The following ADGRL3 variants were observed in gnomAD, a reference collection of about 807,000 sequenced individuals.
The protein encoded by ADGRL3 is adhesion G protein-coupled receptor L3.
In ADGRL3, 62 loss-of-function variants were observed where a neutral mutation model predicts 153.5. The observed-to-expected ratio is 0.40, with a 90% CI of 0.33 to 0.50. The LOEUF is 0.50. ADGRL3 is among the 20% of genes least tolerant of loss of function. The probability of loss-of-function intolerance (pLI) is 0.47; values close to 1 mark genes in which losing one functional copy is unlikely to be tolerated. For missense variants in ADGRL3, 1,641 were observed against 1,859.4 expected, an observed-to-expected ratio of 0.88 and a Z score of 2.16; for synonymous variants, 710 against 672.5, an observed-to-expected ratio of 1.06 and a Z score of -0.86.
intron 1 of ADGRL3, among the ~76,000 whole-genome samples, chr4:61,302,668 A>T (rs984297268): frequency 1.3e-5 from 2 of 152,124 alleles, no homozygotes; most frequent in African/African-American, 4.8e-5. Context: ...AATACCCAGA[A>T]AACAAAATTC....
intron 17 of ADGRL3, among the ~76,000 whole-genome samples, chr4:61,958,961 C>T (rs2098978014): frequency 6.6e-6 from 1 of 152,174 alleles, no homozygotes; most frequent in Non-Finnish European, 1.5e-5. Context: ...CCTGCTTCTA[C>T]TGTCTAAGGA....
chr4:61,508,193 GT>G (rs1379695092), intron 3 of ADGRL3, among the ~76,000 whole-genome samples: 1 of 152,112 alleles, frequency 6.6e-6, no homozygotes, highest in East Asian at 1.9e-4. Context: ...TTTCAGAAGT[GT>G]TTAAGGTATT....
At chr4:61,522,377 T>C (rs555235609) in intron 4 of ADGRL3, among the ~76,000 whole-genome samples, 1 of 152,286 alleles carries the variant, frequency 6.6e-6, no homozygotes, top group African/African-American at 2.4e-5. Flanking sequence ...AGCATAACCC[T>C]TGATGACAGT....
chr4:62,068,104 T>A (rs1743972291), intron 25 of ADGRL3, 62 bp from the exon 26 acceptor site: 1 of 1,164,768 alleles, frequency 8.6e-7, no homozygotes, highest in African/African-American at 1.6e-5. Context: ...TCATGTTTCT[T>A]CTACTGTCGC....
intron 4 of ADGRL3, among the ~76,000 whole-genome samples, chr4:61,570,055 G>T (rs2098832161): frequency 6.6e-6 from 1 of 152,062 alleles, no homozygotes; most frequent in South Asian, 2.1e-4. Context: ...ATTTGCACAA[G>T]TTTTGTTGGC....
chr4:61,583,724 C>A (rs764454224), intron 4 of ADGRL3: 1 of 518,290 alleles, frequency 1.9e-6, no homozygotes. Flanking sequence ...GGCATCCTAG[C>A]AGAAGGTTTC....
chr4:61,392,421 T>C (rs1355158797), intron 2 of ADGRL3, among the ~76,000 whole-genome samples: 1 of 150,462 alleles, frequency 6.6e-6, no homozygotes, highest in Non-Finnish European at 1.5e-5. Context: ...GTGCGGTGGC[T>C]CACGCCTGTA....
intron 2 of ADGRL3, chr4:61,420,688 G>C (rs1217264761): frequency 6.6e-6 from 1 of 150,496 alleles, no homozygotes; most frequent in African/African-American, 2.4e-5. Flanking sequence ...TTACAGGCGT[G>C]AGCCACCGCT....
chr4:61,452,752 A>G (rs1407485320), intron 2 of ADGRL3, among the ~76,000 whole-genome samples: 6 of 152,162 alleles, frequency 3.9e-5, no homozygotes, highest in African/African-American at 9.7e-5. Context: ...TTTGTGATAT[A>G]TAAATTCTCA....
chr4:61,876,630 G>A (rs1333193301), intron 9 of ADGRL3, among the ~76,000 whole-genome samples: 1 of 151,842 alleles, frequency 6.6e-6, no homozygotes, highest in African/African-American at 2.4e-5. Flanking sequence ...AGTTGGGCCT[G>A]GGAGGGAAGA....
intron 5 of ADGRL3, among the ~76,000 whole-genome samples, chr4:61,620,961 T>G (rs953607271): frequency 6.6e-6 from 1 of 152,118 alleles, no homozygotes; most frequent in Non-Finnish European, 1.5e-5. Context: ...TTTTAAAGGA[T>G]AGTTCTTTTC....
chr4:61,777,943 A>G (rs561879505), intron 8 of ADGRL3, among the ~76,000 whole-genome samples: 1 of 152,288 alleles, frequency 6.6e-6, no homozygotes, highest in South Asian at 2.1e-4. Flanking sequence ...CCAGAGACTT[A>G]AGAAAGAGTT....
intron 21 of ADGRL3, among the ~76,000 whole-genome samples, chr4:62,017,468 G>C (rs528805153): frequency 1.2e-4 from 18 of 150,134 alleles, no homozygotes; most frequent in African/African-American, 4.2e-4. Flanking sequence ...ATTAGACTAT[G>C]AAGTAAGTGA....
chr4:61,777,372 T>C (rs1331450536), intron 8 of ADGRL3, among the ~76,000 whole-genome samples: 1 of 152,148 alleles, frequency 6.6e-6, no homozygotes, highest in South Asian at 2.1e-4. Flanking sequence ...AAAGGTTTTT[T>C]AATTACTCAC....
At chr4:61,564,971 A>G (rs1424371689) in intron 4 of ADGRL3, among the ~76,000 whole-genome samples, 1 of 152,224 alleles carries the variant, frequency 6.6e-6, no homozygotes, top group Non-Finnish European at 1.5e-5. Context: ...CAATCACAAT[A>G]GTAACATCAA....
intron 5 of ADGRL3, among the ~76,000 whole-genome samples, chr4:61,623,128 G>A (rs994698485): frequency 6.6e-5 from 10 of 152,144 alleles, no homozygotes; most frequent in East Asian, 1.9e-4. Context: ...GGAATAACAC[G>A]TATACCAATT....
intron 3 of ADGRL3, among the ~76,000 whole-genome samples, chr4:61,511,558 A>ATCT (rs1477228756): frequency 1.3e-5 from 2 of 152,224 alleles, no homozygotes; most frequent in African/African-American, 4.8e-5. Flanking sequence ...ACAAAAGTTT[A>ATCT]TCTTACTATT....
intron 21 of ADGRL3, among the ~76,000 whole-genome samples, chr4:62,011,018 A>G (rs148919588): frequency 6.6e-6 from 1 of 152,286 alleles, no homozygotes; most frequent in Non-Finnish European, 1.5e-5. Flanking sequence ...ACTCAAAAAT[A>G]TCCTAAAATG....
chr4:61,274,369 A>G (rs112889825), intron 1 of ADGRL3, among the ~76,000 whole-genome samples: 4 of 152,316 alleles, frequency 2.6e-5, no homozygotes, highest in African/African-American at 9.6e-5. Context: ...TTAATGGAAG[A>G]CAAGAAGAGA....
Sources: gnomAD v4.1 joint callset for allele counts (sites outside exome capture counted in the v4.1 genomes callset) on GRCh38, gnomAD v4.1.1 for gene constraint, MANE v1.5 for transcripts, NCBI Gene and HGNC (gene_info 2026-07-23, HGNC 2026-07-21) for gene names.